The following ZNF804B variants were observed in gnomAD, a reference collection of about 807,000 sequenced individuals.
The protein encoded by ZNF804B is zinc finger 804B.
A neutral mutation model predicts 101.4 loss-of-function variants in ZNF804B; 80 were observed. That is an observed-to-expected ratio of 0.79 (90% CI 0.66 to 0.95). ZNF804B has a LOEUF of 0.95. ZNF804B is among the 40% of genes least tolerant of loss of function. ZNF804B has a pLI of 0.00. For missense variants in ZNF804B, 1,673 were observed against 1,561.9 expected, an observed-to-expected ratio of 1.07 and a Z score of -1.20; for synonymous variants, 622 against 558.8, an observed-to-expected ratio of 1.11 and a Z score of -1.59.
intron 1 of ZNF804B, among the ~76,000 whole-genome samples, chr7:88,893,297 A>T (rs1228838052): frequency 1.3e-5 from 2 of 152,126 alleles, no homozygotes; most frequent in Non-Finnish European, 2.9e-5. Flanking sequence ...AAAATATGTC[A>T]TCTACCATTT....
intron 1 of ZNF804B, among the ~76,000 whole-genome samples, chr7:88,877,006 A>AAAATATATATATATAT (rs1171913711): frequency 3.6e-5 from 3 of 84,298 alleles, no homozygotes; most frequent in African/African-American, 2.7e-4. Flanking sequence ...TTGAAAAAAA[A>AAAATATATATATATAT]AATATATATA....
chr7:88,837,596 T>A (rs1791233709), intron 1 of ZNF804B, among the ~76,000 whole-genome samples: 1 of 151,976 alleles, frequency 6.6e-6, no homozygotes, highest in African/African-American at 2.4e-5. Context: ...TAATAATATT[T>A]ATTAAATGGA....
chr7:89,322,013 A>T (rs1790828750), intron 2 of ZNF804B, among the ~76,000 whole-genome samples: 1 of 152,162 alleles, frequency 6.6e-6, no homozygotes, highest in South Asian at 2.1e-4. Flanking sequence ...AGCAATTCTA[A>T]ATTCCTGAAT....
intron 1 of ZNF804B, among the ~76,000 whole-genome samples, chr7:89,099,720 TC>T (rs1171663337): frequency 6.6e-6 from 1 of 152,160 alleles, no homozygotes; most frequent in Non-Finnish European, 1.5e-5. Flanking sequence ...TAAGCCATCA[TC>T]CCATCTAGGT....
chr7:89,245,454 G>A (rs1332061626), intron 2 of ZNF804B, among the ~76,000 whole-genome samples: 4 of 152,016 alleles, frequency 2.6e-5, no homozygotes, highest in African/African-American at 7.2e-5. Context: ...AATTATAGCC[G>A]TTTAAATAGC....
intron 1 of ZNF804B, among the ~76,000 whole-genome samples, chr7:89,032,454 T>C (rs1788853077): frequency 6.6e-6 from 1 of 152,082 alleles, no homozygotes; most frequent in Non-Finnish European, 1.5e-5. Context: ...GATTAATGAG[T>C]CTTTAATTTT....
chr7:88,847,625 T>C (rs139706930), intron 1 of ZNF804B, among the ~76,000 whole-genome samples: 1 of 152,294 alleles, frequency 6.6e-6, no homozygotes, highest in East Asian at 1.9e-4. Flanking sequence ...GGGCTCATAT[T>C]ATCTTCACAA....
rs1788453527 is a variant in ZNF804B at position 89,011,080 on chromosome 7, A to C, written c.109-207075A>C. On this transcript the variant is annotated intron_variant, in intron 1 of 3. Transcript: ENST00000333190. ...TCCATGGCTGGGGAGGCCTCAGGAA[A>C]CTTACAATCATGGCAGAAGGCACCT... Among the ~76,000 whole-genome samples, 3 of 152,304 alleles carry C rather than the reference A, an allele frequency of 2.0e-5. No homozygotes were observed. The South Asian group carries it at 6.2e-4, about 32-fold the overall frequency.
At chr7:88,768,576 G>A (rs551314447) in intron 1 of ZNF804B, among the ~76,000 whole-genome samples, 49 of 152,098 alleles carry the variant, frequency 3.2e-4, no homozygotes, top group Non-Finnish European at 6.2e-4. Flanking sequence ...AAGTTAGCTC[G>A]GCATGGTGGC....
intron 1 of ZNF804B, among the ~76,000 whole-genome samples, chr7:88,946,474 G>A (rs1303281069): frequency 6.6e-6 from 1 of 151,670 alleles, no homozygotes; most frequent in African/African-American, 2.4e-5. Flanking sequence ...GCTTTTTGAT[G>A]TGCTGATGGA....
Position 88,911,234 on chromosome 7 carries a change from C to G in ZNF804B, c.108+151150C>G, listed in dbSNP as rs574899295. On this transcript the variant is annotated intron_variant, in intron 1 of 3. Coordinates refer to ENST00000333190, the MANE Select transcript of ZNF804B (RefSeq NM_181646.5). The stretch of plus-strand genomic sequence containing the variant: ...TTTGCAGAAAGGTTCAGAATCATTC[C>G]CTAAGTAGGATTTTACCTTAATCAA... Among the ~76,000 whole-genome samples the G allele has an allele frequency of 1.5e-3, 228 of 151,574 alleles. 3 individuals are homozygous for G. The highest frequency in any genetic ancestry group is 5.0e-3 in the East Asian group (26 of 5,152).
At chr7:89,154,052 C>A (rs371051004) in intron 1 of ZNF804B, among the ~76,000 whole-genome samples, 1 of 130,182 alleles carries the variant, frequency 7.7e-6, no homozygotes, top group Non-Finnish European at 1.7e-5. Context: ...ATCTAATAAT[C>A]CAATCAAAAA....
chr7:89,019,824 T>C (rs974777402), intron 1 of ZNF804B, among the ~76,000 whole-genome samples: 18 of 152,068 alleles, frequency 1.2e-4, no homozygotes, highest in Admixed American at 1.0e-3. Flanking sequence ...TGTTTTTCCA[T>C]AACTTCACTT....
chr7:89,285,546 A>AAAGAAGAAGAAGAAGAAG (rs774736524), intron 2 of ZNF804B, among the ~76,000 whole-genome samples: 2 of 93,422 alleles, frequency 2.1e-5, no homozygotes, highest in African/African-American at 1.0e-4. Context: ...AAAAAAAAAA[A>AAAGAAGAAGAAGAAGAAG]AAGAAGAAGA....
At chr7:88,785,106 A>G (rs537009797) in intron 1 of ZNF804B, among the ~76,000 whole-genome samples, 1 of 152,124 alleles carries the variant, frequency 6.6e-6, no homozygotes, top group Admixed American at 6.6e-5. Context: ...AATACATCAA[A>G]CTCTGTATTG....
chr7:89,121,671 C>A (rs562020928), intron 1 of ZNF804B, among the ~76,000 whole-genome samples: 1 of 152,218 alleles, frequency 6.6e-6, no homozygotes, highest in South Asian at 2.1e-4. Flanking sequence ...CTGCAAATTT[C>A]TATACTTTTA....
chr7:89,307,551 TG>T (rs1269481409), intron 2 of ZNF804B, among the ~76,000 whole-genome samples: 1 of 152,026 alleles, frequency 6.6e-6, no homozygotes, highest in Admixed American at 6.6e-5. Flanking sequence ...TTGATTCTAG[TG>T]GCAATTCATT....
intron 1 of ZNF804B, among the ~76,000 whole-genome samples, chr7:88,870,384 C>CAAA (rs1212123301): frequency 1.7e-4 from 6 of 36,026 alleles, no homozygotes; most frequent in Admixed American, 3.0e-4. Flanking sequence ...AACTCCGTCT[C>CAAA]AAAAAAAAAA....
intron 2 of ZNF804B, among the ~76,000 whole-genome samples, chr7:89,321,678 T>C (rs1186773631): frequency 1.3e-5 from 2 of 151,968 alleles, no homozygotes; most frequent in Non-Finnish European, 2.9e-5. Context: ...AGATGGTATT[T>C]TAAGTATACA....
Sources: allele counts gnomAD v4.1 joint callset (sites outside exome capture counted in the v4.1 genomes callset), GRCh38; gene constraint gnomAD v4.1.1; transcripts MANE v1.5; gene names NCBI Gene and HGNC (gene_info 2026-07-23, HGNC 2026-07-21).